PTPRN2: variants seen among roughly 807,000 people sequenced by gnomAD.
PTPRN2 encodes the protein receptor-type tyrosine-protein phosphatase N2.
PTPRN2 carries 74 observed loss-of-function variants against 118.8 expected under a neutral mutation model. The ratio of observed to expected loss-of-function variants is 0.62; its 90% CI spans 0.52 to 0.76. PTPRN2 has a LOEUF of 0.76. Ranked by LOEUF, PTPRN2 falls within the 30% of genes least tolerant of loss-of-function variation. The pLI is 0.00. For missense variants in PTPRN2, 1,481 were observed against 1,394.4 expected (o/e 1.06, Z -0.99); for synonymous variants, 641 against 608.0 (o/e 1.05, Z -0.80).
At chr7:157,568,660 T>C (rs1387082226) in intron 21 of PTPRN2, among the ~76,000 whole-genome samples, 1 of 152,012 alleles carries the variant, frequency 6.6e-6, no homozygotes, top group East Asian at 1.9e-4. Context: ...ACCCAGTGCA[T>C]GCTCGGCACG....
At chr7:157,584,348 C>T (rs1168321031) in intron 17 of PTPRN2, among the ~76,000 whole-genome samples, 2 of 152,170 alleles carry the variant, frequency 1.3e-5, no homozygotes. Flanking sequence ...GTCCAGTTAC[C>T]TTTTCTACCC....
chr7:158,454,397 ACAG>A (rs1818314429), intron 2 of PTPRN2, among the ~76,000 whole-genome samples: 1 of 149,738 alleles, frequency 6.7e-6, no homozygotes, highest in African/African-American at 2.5e-5. Context: ...AGGATTGGGG[ACAG>A]TTGTTATGGA....
At chr7:158,061,647 T>C (rs879336568) in intron 11 of PTPRN2, among the ~76,000 whole-genome samples, 6 of 152,310 alleles carry the variant, frequency 3.9e-5, no homozygotes, top group East Asian at 3.9e-4. Flanking sequence ...AGGATTGTCA[T>C]TTCAGCACCG....
chr7:158,400,626 G>A (rs1410679422), intron 2 of PTPRN2, among the ~76,000 whole-genome samples: 1 of 152,150 alleles, frequency 6.6e-6, no homozygotes, highest in Admixed American at 6.5e-5. Flanking sequence ...GGGTGAAAGT[G>A]AGGGGCGCTG....
chr7:158,401,387 C>T (rs763237801), intron 2 of PTPRN2, among the ~76,000 whole-genome samples: 3 of 152,252 alleles, frequency 2.0e-5, no homozygotes, highest in Non-Finnish European at 4.4e-5. Flanking sequence ...ACCCAGGAGC[C>T]GCTGGACCCC....
chr7:158,048,297 T>C (rs1220844471), intron 11 of PTPRN2, among the ~76,000 whole-genome samples: 1 of 152,078 alleles, frequency 6.6e-6, no homozygotes, highest in Non-Finnish European at 1.5e-5. Flanking sequence ...TAGAAACATG[T>C]GGGGAAAAGT....
At chr7:158,180,592 TG>T (rs1824619010) in intron 5 of PTPRN2, among the ~76,000 whole-genome samples, 1 of 152,252 alleles carries the variant, frequency 6.6e-6, no homozygotes, top group Non-Finnish European at 1.5e-5. Flanking sequence ...TGTTTCCATT[TG>T]TTTGTGTCAT....
rs1378666424 is a variant in PTPRN2 at position 158,319,772 on chromosome 7, GCC to G, written c.164-2842_164-2841del. The stretch of plus-strand genomic sequence containing the variant: ...ACACACAGCCTCCCTCACACACACA[GCC>G]TCCCTTGTACACAGCCTCCCTCGTA... On this transcript the variant is annotated intron_variant, in intron 2 of 22. Transcript: ENST00000389418. Among the ~76,000 whole-genome samples the G allele has an allele frequency of 4.7e-4, 7 of 14,958 alleles. 3 individuals are homozygous for G. Among genetic ancestry groups the G allele is most frequent in the Non-Finnish European group, 6.0e-4 (5 of 8,356 alleles). The allele number at this position is 14,958 out of a possible 152,430, so 9.8% of individuals were successfully genotyped here. A position where few individuals can be genotyped will look rare whatever the true frequency, so the allele number is the denominator to read the frequency against.
chr7:157,730,121 G>A (rs1323189559), intron 12 of PTPRN2, among the ~76,000 whole-genome samples: 1 of 152,114 alleles, frequency 6.6e-6, no homozygotes, highest in Non-Finnish European at 1.5e-5. Flanking sequence ...TAGGGACAGA[G>A]CCTGGCAATT....
chr7:158,036,192 C>A (rs1808077694), intron 11 of PTPRN2, among the ~76,000 whole-genome samples: 1 of 152,108 alleles, frequency 6.6e-6, no homozygotes, highest in African/African-American at 2.4e-5. Flanking sequence ...CAAGAAACTG[C>A]AACGCACAAC....
intron 4 of PTPRN2, among the ~76,000 whole-genome samples, chr7:158,197,771 C>T (rs373477436): frequency 1.3e-5 from 2 of 152,094 alleles, no homozygotes; most frequent in Non-Finnish European, 2.9e-5. Context: ...CCTTATAAAA[C>T]CATCAGATCT....
At chr7:158,442,197 T>C (rs943156451) in intron 2 of PTPRN2, among the ~76,000 whole-genome samples, 1 of 151,654 alleles carries the variant, frequency 6.6e-6, no homozygotes, top group African/African-American at 2.4e-5. Context: ...ATAGTAATGG[T>C]CATGGCAGTG....
intron 3 of PTPRN2, among the ~76,000 whole-genome samples, chr7:158,286,008 C>G (rs1056902249): frequency 9.2e-5 from 14 of 152,290 alleles, no homozygotes; most frequent in Admixed American, 9.1e-4. Context: ...GGGCAGACCA[C>G]GAGAATGAAC....
At chr7:158,575,759 T>C (rs1379578724) in intron 1 of PTPRN2, among the ~76,000 whole-genome samples, 2 of 152,180 alleles carry the variant, frequency 1.3e-5, no homozygotes, top group Non-Finnish European at 2.9e-5. Flanking sequence ...CAGTTGCATG[T>C]TTTTATTTTC....
chr7:158,308,609 TGACA>T (rs1801472882), intron 3 of PTPRN2, among the ~76,000 whole-genome samples: 1 of 150,538 alleles, frequency 6.6e-6, no homozygotes, highest in African/African-American at 2.4e-5. Flanking sequence ...AGAGAAAAAA[TGACA>T]GAGAGTGTTT....
intron 2 of PTPRN2, among the ~76,000 whole-genome samples, chr7:158,419,624 A>T (rs1043703466): frequency 6.6e-6 from 1 of 152,078 alleles, no homozygotes; most frequent in African/African-American, 2.4e-5. Flanking sequence ...GAGCCTCACC[A>T]CGCAGCACTG....
At chr7:157,835,630 C>A (rs181761379) in intron 12 of PTPRN2, among the ~76,000 whole-genome samples, 11 of 152,066 alleles carry the variant, frequency 7.2e-5, no homozygotes, top group Admixed American at 1.3e-4. Flanking sequence ...GCTCTCAGGG[C>A]GCTCGGGAGG....
rs566532505 is a variant in PTPRN2, at chr7:157,550,957, G to T, written c.2903-1938C>A. On this transcript the variant is annotated intron_variant, in intron 21 of 22. Transcript: ENST00000389418. This position sits in a 1 kb window ranked among gnomAD's most constrained non-coding sequence, Gnocchi z 5.2. ...GCCTGACACAAACGGGTGAGTTTGT[G>T]AAATGGTAGAGAGGAAGGGAGGAAG... Among the ~76,000 whole-genome samples the T allele has an allele frequency of 2.9e-4, 44 of 152,326 alleles. No homozygotes were observed. Among genetic ancestry groups the T allele is most frequent in the African/African-American group, 9.4e-4 (39 of 41,572 alleles).
chr7:158,101,785 A>G (rs1473609291), intron 10 of PTPRN2, among the ~76,000 whole-genome samples: 2 of 152,228 alleles, frequency 1.3e-5, no homozygotes, highest in Non-Finnish European at 2.9e-5. Flanking sequence ...CAGTGTGGAC[A>G]GCAAAGCCCC....
Sources: allele counts gnomAD v4.1 joint callset (sites outside exome capture counted in the v4.1 genomes callset), GRCh38; gene constraint gnomAD v4.1.1; non-coding constraint Gnocchi (gnomAD v3.1); transcripts MANE v1.5; gene names NCBI Gene and HGNC (gene_info 2026-07-23, HGNC 2026-07-21).